The following MYO7A variants were observed in gnomAD, a reference collection of about 807,000 sequenced individuals.
MYO7A encodes the protein myosin VIIA.
A neutral mutation model predicts 263.8 loss-of-function variants in MYO7A; 210 were observed. The observed-to-expected ratio is 0.80, with a 90% CI of 0.71 to 0.89. The LOEUF (loss-of-function observed/expected upper bound fraction) is 0.89. MYO7A is among the 40% of genes least tolerant of loss of function. The pLI, the probability that MYO7A is intolerant of heterozygous loss-of-function variation, is 0.00. For missense variants in MYO7A, 2,820 were observed against 2,968.3 expected, an observed-to-expected ratio of 0.95 and a Z score of 1.16; for synonymous variants, 1,239 against 1,197.3, an observed-to-expected ratio of 1.03 and a Z score of -0.72.
intron 9 of MYO7A, 86 bp downstream of exon 9, chr11:77,158,516 G>T: frequency 6.8e-7 from 1 of 1,474,276 alleles, no homozygotes; most frequent in Non-Finnish European, 9.1e-7. Flanking sequence ...TGGCAGCTCA[G>T]TTTCTGTCCT....
At chr11:77,131,814 A>C (rs1405502943) in intron 2 of MYO7A, among the ~76,000 whole-genome samples, 2 of 152,172 alleles carry the variant, frequency 1.3e-5, no homozygotes, top group African/African-American at 4.8e-5. Context: ...AAGTACACTC[A>C]GCTCCTTCCT....
At chr11:77,169,565 C>T (rs941275600) in intron 15 of MYO7A, among the ~76,000 whole-genome samples, 1 of 152,202 alleles carries the variant, frequency 6.6e-6, no homozygotes, top group African/African-American at 2.4e-5. Context: ...CCATCCCCAT[C>T]TGCAGATTAT....
intron 27 of MYO7A, among the ~76,000 whole-genome samples, chr11:77,186,753 A>G (rs1277776365): frequency 6.6e-6 from 1 of 152,176 alleles, no homozygotes; most frequent in African/African-American, 2.4e-5. Context: ...TCACTTTCCT[A>G]TCATTTGCAT....
At chr11:77,198,124 G>T (rs545669432) in intron 33 of MYO7A, among the ~76,000 whole-genome samples, 47 of 152,344 alleles carry the variant, frequency 3.1e-4, no homozygotes, top group African/African-American at 1.1e-3. Flanking sequence ...TCGTTACTGG[G>T]CACCTGCTGT....
At chr11:77,191,025 G>A (rs1372712259) in intron 30 of MYO7A, 155 bp downstream of exon 30, 18 of 866,282 alleles carry the variant, frequency 2.1e-5, no homozygotes, top group Middle Eastern at 3.5e-4. Context: ...GACTCCTCAG[G>A]ACTGCCGAGA....
At chr11:77,181,197 G>A (rs1555083881) in intron 22 of MYO7A, among the ~76,000 whole-genome samples, 183 bp from the exon 23 acceptor site, 1 of 152,204 alleles carries the variant, frequency 6.6e-6, no homozygotes, top group Non-Finnish European at 1.5e-5. Flanking sequence ...TTGTTATTTG[G>A]CTTGTTGAGA....
intron 31 of MYO7A, among the ~76,000 whole-genome samples, chr11:77,193,129 C>T (rs76232883): frequency 0.4 from 17,031 of 42,954 alleles, 4,927 homozygotes; most frequent in Middle Eastern, 0.5. Flanking sequence ...GTGGAGGTAG[C>T]GATGCTGTTG....
chr11:77,159,402 T>TTGGC, intron 9 of MYO7A, 45 bp from the exon 10 acceptor site: 1 of 839,884 alleles, frequency 1.2e-6, no homozygotes, highest in Non-Finnish European at 2.1e-6. Flanking sequence ...TTGCCCCTGT[T>TTGGC]GCCCACCCTC....
At chr11:77,192,375 C>T (rs1012276713) in intron 31 of MYO7A, 97 bp downstream of exon 31, 1 of 1,291,438 alleles carries the variant, frequency 7.7e-7, no homozygotes, top group African/African-American at 1.5e-5. Flanking sequence ...ATCATTAGCT[C>T]AGGCTGGGGT....
chr11:77,204,414 A>G (rs972434828), intron 39 of MYO7A, among the ~76,000 whole-genome samples, 185 bp downstream of exon 39: 5 of 152,328 alleles, frequency 3.3e-5, no homozygotes, highest in Middle Eastern at 3.4e-3. Flanking sequence ...CCTAGCAGGA[A>G]CTGGGAGGTG....
At chr11:77,178,254 C>T (rs1433665899) in intron 19 of MYO7A, among the ~76,000 whole-genome samples, 14 of 130,488 alleles carry the variant, frequency 1.1e-4, no homozygotes, top group African/African-American at 3.2e-4. Flanking sequence ...TCCATCCACC[C>T]GCCCACACAC....
intron 2 of MYO7A, among the ~76,000 whole-genome samples, chr11:77,134,393 C>A (rs1189353176): frequency 6.6e-6 from 1 of 152,088 alleles, no homozygotes; most frequent in Non-Finnish European, 1.5e-5. Flanking sequence ...ATAGATTTAT[C>A]ATTATGTTAT....
At chr11:77,161,178 GTC>G in intron 12 of MYO7A, 63 bp downstream of exon 12, 2 of 1,598,278 alleles carry the variant, frequency 1.3e-6, no homozygotes, top group Non-Finnish European at 1.7e-6. Context: ...GAAATATCAC[GTC>G]TCTCCCTTGC....
intron 11 of MYO7A, 105 bp downstream of exon 11, chr11:77,160,387 C>T (rs1001063656): frequency 6.9e-6 from 10 of 1,442,170 alleles, no homozygotes; most frequent in East Asian, 2.5e-5. Context: ...ACATCTGGGT[C>T]GCCACCCCTG....
chr11:77,154,571 G>A (rs4945150), intron 4 of MYO7A, among the ~76,000 whole-genome samples: 33,449 of 151,884 alleles, frequency 0.22, 4,610 homozygotes, highest in Non-Finnish European at 0.29. Context: ...TCCAGCTGGC[G>A]TCTTATTTGG....
chr11:77,205,869 C>T (rs374945281), intron 40 of MYO7A, among the ~76,000 whole-genome samples: 3 of 152,170 alleles, frequency 2.0e-5, no homozygotes, highest in Non-Finnish European at 2.9e-5. Flanking sequence ...GGGCCCACTT[C>T]ATACTCTCCG....
At chr11:77,165,929 G>GT (rs72521563) in intron 14 of MYO7A, 127 bp from the exon 15 acceptor site, 1 of 632,564 alleles carries the variant, frequency 1.6e-6, no homozygotes. Flanking sequence ...CAGGCCTCAG[G>GT]GCCCCCGTCA....
intron 46 of MYO7A, chr11:77,212,498 A>G: frequency 2.9e-6 from 1 of 341,366 alleles, no homozygotes; most frequent in South Asian, 2.4e-5. Context: ...AACACAGGTG[A>G]CGTGGCCAGA....
At position 77,190,711 on chromosome 11, in the gene MYO7A, G is replaced by A; in HGVS notation, c.3765G>A (p.Lys1255=). 1.9e-6 allele frequency: 3 copies of A among 1,595,218 alleles called. No individual in the cohort carries two copies. The highest frequency in any genetic ancestry group is 2.6e-6 in the Non-Finnish European group (3 of 1,171,530). ...SWLELQATKS[K]KPIMLPVTFM... is the part of the protein sequence containing the mutation. ...GGCACTTCCAGGCCACCAAGTCCAA[G>A]AAGCCAATCATGTTGCCCGTGACAT... The change falls in exon 30 of 49, where the codon AAG becomes AAA. Residue 1255 remains lysine (K), a synonymous_variant. Coordinates refer to ENST00000409709, the MANE Select transcript of MYO7A (RefSeq NM_000260.4).
Sources: allele counts gnomAD v4.1 joint callset (sites outside exome capture counted in the v4.1 genomes callset), GRCh38; gene constraint gnomAD v4.1.1; transcripts MANE v1.5; gene names NCBI Gene and HGNC (gene_info 2026-07-23, HGNC 2026-07-21).